Variants in LHFPL3 observed in about 807,000 individuals in gnomAD.
The protein encoded by LHFPL3 is LHFPL tetraspan subfamily member 3.
Under a neutral mutation model 19.3 loss-of-function variants are expected in LHFPL3, and 5 were observed. The observed-to-expected ratio is 0.26, with a 90% CI of 0.14 to 0.54. The LOEUF is 0.54. LHFPL3 is among the 20% of genes least tolerant of loss of function. LHFPL3 has a pLI of 0.94. For synonymous variants in LHFPL3, 133 were observed against 126.2 expected (o/e 1.05, Z -0.36); for missense variants, 249 against 307.4 (o/e 0.81, Z 1.42).
intron 1 of LHFPL3, among the ~76,000 whole-genome samples, chr7:104,553,103 T>G (rs1389857005): frequency 6.6e-6 from 1 of 152,224 alleles, no homozygotes; most frequent in East Asian, 1.9e-4. Flanking sequence ...TGTAAGGTAC[T>G]CTTCACACCT....
intron 1 of LHFPL3, among the ~76,000 whole-genome samples, chr7:104,482,178 C>T (rs1178174953): frequency 6.6e-6 from 1 of 152,202 alleles, no homozygotes; most frequent in Non-Finnish European, 1.5e-5. Context: ...CCTGGGAAAT[C>T]CCACTGAGGT....
At chr7:104,430,390 A>ATATACATG (rs1791946064) in intron 1 of LHFPL3, among the ~76,000 whole-genome samples, 7 of 59,450 alleles carry the variant, frequency 1.2e-4, no homozygotes, top group Non-Finnish European at 1.8e-4. Context: ...ATACATATAT[A>ATATACATG]TATATATATA....
intron 1 of LHFPL3, among the ~76,000 whole-genome samples, chr7:104,512,634 G>T (rs1793841067): frequency 6.6e-6 from 1 of 152,122 alleles, no homozygotes; most frequent in Non-Finnish European, 1.5e-5. Flanking sequence ...TACTCGGGAG[G>T]CTGAGGCAGG....
At chr7:104,852,422 G>A (rs1278484838) in intron 2 of LHFPL3, among the ~76,000 whole-genome samples, 1 of 152,224 alleles carries the variant, frequency 6.6e-6, no homozygotes, top group Non-Finnish European at 1.5e-5. Context: ...CTGAAAGTAG[G>A]GCAGTAGTAA....
At chr7:104,491,246 A>G (rs761862562) in intron 1 of LHFPL3, among the ~76,000 whole-genome samples, 1 of 152,078 alleles carries the variant, frequency 6.6e-6, no homozygotes, top group African/African-American at 2.4e-5. Flanking sequence ...TCATTTCCCT[A>G]CAGAATACAC....
At chr7:104,698,626 C>T (rs771624695) in intron 1 of LHFPL3, among the ~76,000 whole-genome samples, 21 of 152,296 alleles carry the variant, frequency 1.4e-4, no homozygotes, top group Non-Finnish European at 2.4e-4. Flanking sequence ...ATGTTTACAG[C>T]AGTTGTATTC....
intron 1 of LHFPL3, among the ~76,000 whole-genome samples, chr7:104,631,470 T>C (rs192714347): frequency 6.0e-4 from 91 of 152,268 alleles, no homozygotes; most frequent in Non-Finnish European, 3.8e-4. Flanking sequence ...TGATTATCCC[T>C]ACAAGTAAAG....
At chr7:104,669,455 C>G in intron 1 of LHFPL3, 6 of 1,613,028 alleles carry the variant, frequency 3.7e-6, no homozygotes, top group Non-Finnish European at 5.1e-6. Context: ...GACTCCAGAT[C>G]TGCACCTGAG....
chr7:104,688,323 GTAGACAA>G (rs1562965951), intron 1 of LHFPL3, among the ~76,000 whole-genome samples: 1 of 152,182 alleles, frequency 6.6e-6, no homozygotes, highest in East Asian at 1.9e-4. Flanking sequence ...CTTAACTCCT[GTAGACAA>G]AGGGCTGAAA....
At chr7:104,638,163 A>G (rs1418255834) in intron 1 of LHFPL3, among the ~76,000 whole-genome samples, 2 of 152,130 alleles carry the variant, frequency 1.3e-5, no homozygotes, top group Non-Finnish European at 2.9e-5. Context: ...TGTGAATGAA[A>G]TTACGTTCTT....
chr7:104,878,222 C>A (rs750700074), intron 2 of LHFPL3, among the ~76,000 whole-genome samples: 1 of 152,040 alleles, frequency 6.6e-6, no homozygotes, highest in Admixed American at 6.6e-5. Flanking sequence ...TACAGGCACA[C>A]CTCATATTTA....
At chr7:104,682,244 A>T (rs1298209621) in intron 1 of LHFPL3, among the ~76,000 whole-genome samples, 1 of 152,148 alleles carries the variant, frequency 6.6e-6, no homozygotes, top group African/African-American at 2.4e-5. Flanking sequence ...GTCCACACCC[A>T]TTTTGTACAA....
chr7:104,518,863 G>C (rs2115799639), intron 1 of LHFPL3, among the ~76,000 whole-genome samples: 1 of 145,598 alleles, frequency 6.9e-6, no homozygotes, highest in South Asian at 2.1e-4. Flanking sequence ...TAAAAAAACT[G>C]TGATGCAAGA....
chr7:104,681,203 T>G (rs1792694446), intron 1 of LHFPL3, among the ~76,000 whole-genome samples: 1 of 149,878 alleles, frequency 6.7e-6, no homozygotes, highest in Non-Finnish European at 1.5e-5. Context: ...CCCTGTTTAC[T>G]CTCTATCTCC....
At chr7:104,726,527 C>T (rs180716856) in intron 1 of LHFPL3, among the ~76,000 whole-genome samples, 6 of 152,224 alleles carry the variant, frequency 3.9e-5, no homozygotes, top group African/African-American at 9.6e-5. Context: ...TTGTTCACCC[C>T]TGTGTCTATG....
chr7:104,454,045 G>A (rs979215200), intron 1 of LHFPL3, among the ~76,000 whole-genome samples: 2 of 152,146 alleles, frequency 1.3e-5, no homozygotes, highest in Non-Finnish European at 2.9e-5. Context: ...TAATACGCCT[G>A]TCTACAGTTT....
chr7:104,508,312 A>G (rs963557511), intron 1 of LHFPL3, among the ~76,000 whole-genome samples: 3 of 151,862 alleles, frequency 2.0e-5, no homozygotes, highest in Admixed American at 2.0e-4. Flanking sequence ...CTTTGCAGGG[A>G]CATGGATGAA....
intron 1 of LHFPL3, among the ~76,000 whole-genome samples, chr7:104,530,454 T>TA (rs1285741400): frequency 1.3e-5 from 2 of 152,080 alleles, no homozygotes; most frequent in African/African-American, 2.4e-5. Flanking sequence ...AGACTGAGAG[T>TA]ACGGATGGTT....
At chr7:104,588,586 A>G (rs534535214) in intron 1 of LHFPL3, among the ~76,000 whole-genome samples, 6 of 152,072 alleles carry the variant, frequency 3.9e-5, no homozygotes, top group African/African-American at 1.4e-4. Flanking sequence ...CTTAGGATTG[A>G]CTTGGCAATG....
Sources: allele counts gnomAD v4.1 joint callset (sites outside exome capture counted in the v4.1 genomes callset), GRCh38; gene constraint gnomAD v4.1.1; transcripts MANE v1.5; gene names NCBI Gene and HGNC (gene_info 2026-07-23, HGNC 2026-07-21).